Variants in CLRN1 observed in about 807,000 individuals in gnomAD.
CLRN1 encodes clarin 1.
Under a neutral mutation model 18.7 loss-of-function variants are expected in CLRN1, and 15 were observed. That is an observed-to-expected ratio of 0.80 (90% CI 0.54 to 1.23). The LOEUF (loss-of-function observed/expected upper bound fraction) is 1.23. CLRN1 is among the 50% of genes most tolerant of loss of function. CLRN1 has a pLI of 0.00. For missense variants in CLRN1, 311 were observed against 277.5 expected (o/e 1.12, Z -0.86); for synonymous variants, 104 against 102.9 (o/e 1.01, Z -0.07).
intron 1 of CLRN1, among the ~76,000 whole-genome samples, chr3:150,967,663 T>C (rs1024378125): frequency 6.6e-6 from 1 of 152,096 alleles, no homozygotes; most frequent in African/African-American, 2.4e-5. Flanking sequence ...TCAAAGACCT[T>C]TGTAGCTCTG....
intron 1 of CLRN1, among the ~76,000 whole-genome samples, chr3:150,947,122 C>G (rs150746097): frequency 6.6e-6 from 1 of 151,720 alleles, no homozygotes; most frequent in African/African-American, 2.4e-5. Flanking sequence ...AAAAATGATA[C>G]GGATGAATGG....
chr3:150,940,971 C>T (rs1027317829), intron 2 of CLRN1, among the ~76,000 whole-genome samples: 1 of 152,046 alleles, frequency 6.6e-6, no homozygotes, highest in Non-Finnish European at 1.5e-5. Context: ...GCCCTTTACT[C>T]TTTTTTGATG....
intron 2 of CLRN1, among the ~76,000 whole-genome samples, chr3:150,938,979 T>A (rs371774147): frequency 6.6e-6 from 1 of 152,250 alleles, no homozygotes; most frequent in Non-Finnish European, 1.5e-5. Context: ...CTGTCAGAAC[T>A]GTCAAATAAT....
intron 2 of CLRN1, among the ~76,000 whole-genome samples, chr3:150,939,342 T>G (rs1408915326): frequency 6.6e-6 from 1 of 152,192 alleles, no homozygotes; most frequent in South Asian, 2.1e-4. Context: ...TGAGACACAA[T>G]GCTCTGGGGC....
At chr3:150,953,098 T>C (rs535877398) in intron 1 of CLRN1, among the ~76,000 whole-genome samples, 8 of 152,310 alleles carry the variant, frequency 5.3e-5, no homozygotes, top group Admixed American at 4.6e-4. Context: ...GTCACTTTAA[T>C]GATGTTGGGA....
intron 1 of CLRN1, among the ~76,000 whole-genome samples, chr3:150,966,929 T>C (rs1161933437): frequency 2.0e-5 from 3 of 152,166 alleles, no homozygotes; most frequent in Admixed American, 2.0e-4. Context: ...GTTGTATAGA[T>C]CACAGAGCAT....
At chr3:150,960,990 T>C (rs1445989792) in intron 1 of CLRN1, among the ~76,000 whole-genome samples, 1 of 152,246 alleles carries the variant, frequency 6.6e-6, no homozygotes, top group Non-Finnish European at 1.5e-5. Context: ...CCACTGGGGC[T>C]GAGAGCCAAG....
chr3:150,932,411 A>G (rs565621059), intron 2 of CLRN1, among the ~76,000 whole-genome samples: 79 of 152,308 alleles, frequency 5.2e-4, no homozygotes, highest in African/African-American at 1.8e-3. Flanking sequence ...AATCTCTGAA[A>G]TGTTATGAAA....
intron 1 of CLRN1, among the ~76,000 whole-genome samples, chr3:150,952,703 T>C (rs1714555588): frequency 2.6e-5 from 4 of 152,158 alleles, no homozygotes; most frequent in Admixed American, 2.6e-4. Flanking sequence ...TACTTCATCA[T>C]CTCTGATAGG....
At chr3:150,933,406 C>T (rs1278381641) in intron 2 of CLRN1, among the ~76,000 whole-genome samples, 1 of 151,778 alleles carries the variant, frequency 6.6e-6, no homozygotes, top group East Asian at 1.9e-4. Context: ...CCAGGGGAGG[C>T]CTCATAGGGA....
Position 150,926,715 on chromosome 3 carries a change from C to T in CLRN1, c.*1221G>A, listed in dbSNP as rs1657691083. ...TTTATTTTAAGGAGTACTTTCAAAC[C>T]TATTATATGAGGGCTGCTGAGTACT... On this transcript the variant is annotated 3_prime_UTR_variant, in exon 3 of 3. Coordinates refer to ENST00000327047, the MANE Select transcript of CLRN1 (RefSeq NM_174878.3). 7.1e-7 allele frequency: 1 copy of T among 1,408,848 alleles called. No homozygotes were observed. The highest frequency in any genetic ancestry group is 1.7e-5 in the Admixed American group (1 of 58,718). 87.3% of individuals were successfully genotyped at this position (1,408,848 alleles called of 1,614,324 possible).
intron 2 of CLRN1, among the ~76,000 whole-genome samples, chr3:150,939,587 C>T (rs1262412027): frequency 6.6e-6 from 1 of 152,148 alleles, no homozygotes; most frequent in African/African-American, 2.4e-5. Flanking sequence ...TCCCCCAGAC[C>T]CCCAAGTTTC....
chr3:150,957,802 G>A (rs1714825388), intron 1 of CLRN1, among the ~76,000 whole-genome samples: 1 of 152,134 alleles, frequency 6.6e-6, no homozygotes, highest in African/African-American at 2.4e-5. Context: ...GATTACAAGT[G>A]TGTGCCACCA....
At chr3:150,951,634 G>A (rs916453961) in intron 1 of CLRN1, among the ~76,000 whole-genome samples, 14 of 152,082 alleles carry the variant, frequency 9.2e-5, no homozygotes, top group African/African-American at 2.2e-4. Context: ...CACCGCGCCC[G>A]GCCTGAGACT....
chr3:150,961,419 G>A (rs1715029643), intron 1 of CLRN1, among the ~76,000 whole-genome samples: 1 of 152,194 alleles, frequency 6.6e-6, no homozygotes, highest in African/African-American at 2.4e-5. Context: ...CTAAAGTGCA[G>A]CCAGAGTTAT....
At chr3:150,926,273 A>AT (rs1712787647), downstream of CLRN1, 2 of 159,314 alleles carry the variant, frequency 1.3e-5, no homozygotes, top group South Asian at 3.5e-4. Context: ...TAAAGAAAAA[A>AT]GCCTGGTGTT....
At position 150,927,403 on chromosome 3, in the gene CLRN1, G is replaced by A. The variant is rs1026657798; in HGVS notation, c.*533C>T. ...GCCTCCTGAAGTGCTGGAATTACAG[G>A]TGTGAGTCACCACGCCTGGCCTAAG... On this transcript the variant is annotated 3_prime_UTR_variant, in exon 3 of 3. Coordinates refer to ENST00000327047, the MANE Select transcript of CLRN1 (RefSeq NM_174878.3). The A allele has an allele frequency of 6.7e-6, 3 of 448,088 alleles. No individual in the cohort carries two copies. The highest frequency in any genetic ancestry group is 6.0e-5 in the African/African-American group (3 of 49,970). The allele number at this position is 448,088 out of a possible 1,614,324, so 27.8% of individuals were successfully genotyped here.
At chr3:150,963,590 AG>A (rs1450757666) in intron 1 of CLRN1, among the ~76,000 whole-genome samples, 1 of 152,234 alleles carries the variant, frequency 6.6e-6, no homozygotes, top group Non-Finnish European at 1.5e-5. Context: ...GAACCAAAAA[AG>A]AGCCTGAATA....
intron 2 of CLRN1, among the ~76,000 whole-genome samples, chr3:150,939,134 A>G (rs1713654253): frequency 6.6e-6 from 1 of 152,124 alleles, no homozygotes; most frequent in Non-Finnish European, 1.5e-5. Context: ...GACTCCCCAA[A>G]CTAGTTCTGC....
Sources: allele counts gnomAD v4.1 joint callset (sites outside exome capture counted in the v4.1 genomes callset), GRCh38; gene constraint gnomAD v4.1.1; transcripts MANE v1.5; gene names NCBI Gene and HGNC (gene_info 2026-07-23, HGNC 2026-07-21).